Variants in LIN28B observed in about 807,000 individuals in gnomAD.
The protein encoded by LIN28B is lin-28 RNA binding posttranscriptional regulator B.
In LIN28B, 5 loss-of-function variants were observed where a neutral mutation model predicts 21.9. The observed-to-expected ratio is 0.23, with a 90% CI of 0.12 to 0.48. The LOEUF (loss-of-function observed/expected upper bound fraction) is 0.48. LIN28B is among the 20% of genes least tolerant of loss of function. LIN28B has a pLI of 0.98. For synonymous variants in LIN28B, 109 were observed against 111.3 expected, an observed-to-expected ratio of 0.98 and a Z score of 0.13; for missense variants, 245 against 310.5, an observed-to-expected ratio of 0.79 and a Z score of 1.58.
At chr6:104,948,812 C>T (rs190136247) in intron 2 of LIN28B, among the ~76,000 whole-genome samples, 37 of 152,078 alleles carry the variant, frequency 2.4e-4, no homozygotes, top group Admixed American at 1.1e-3. Flanking sequence ...TCCTTTGAAG[C>T]GGACATTACT....
At chr6:105,037,455 C>T (rs904841436) in intron 3 of LIN28B, among the ~76,000 whole-genome samples, 22 of 151,124 alleles carry the variant, frequency 1.5e-4, no homozygotes, top group African/African-American at 4.9e-4. Context: ...ACTTTTCTCT[C>T]CTCCCCTCAC....
intron 2 of LIN28B, among the ~76,000 whole-genome samples, chr6:104,999,921 A>G (rs945952680): frequency 3.9e-5 from 6 of 152,126 alleles, no homozygotes; most frequent in African/African-American, 9.7e-5. Flanking sequence ...CTTAGGTGTG[A>G]TCCGCCTGCC....
chr6:104,955,772 G>A (rs1204896809), upstream of LIN28B, among the ~76,000 whole-genome samples: 1 of 151,622 alleles, frequency 6.6e-6, no homozygotes, highest in African/African-American at 2.4e-5. Flanking sequence ...TAAGAAAATG[G>A]GGGGTGGGGT....
At chr6:105,004,933 C>T (rs1770788693) in intron 2 of LIN28B, among the ~76,000 whole-genome samples, 1 of 152,092 alleles carries the variant, frequency 6.6e-6, no homozygotes, top group Non-Finnish European at 1.5e-5. Flanking sequence ...CCTTTAGTTT[C>T]ATCTTGGAGA....
intron 2 of LIN28B, among the ~76,000 whole-genome samples, chr6:104,991,071 T>C (rs935781957): frequency 2.6e-5 from 4 of 152,228 alleles, no homozygotes; most frequent in Non-Finnish European, 5.9e-5. Context: ...CAATGAGCTG[T>C]TGGGTACACC....
chr6:105,037,595 C>G (rs1771547230), intron 3 of LIN28B, among the ~76,000 whole-genome samples: 1 of 151,318 alleles, frequency 6.6e-6, no homozygotes, highest in Non-Finnish European at 1.5e-5. Context: ...TTACTGCAAC[C>G]TCCACCTCTC....
chr6:105,049,964 G>A (rs1443575909), intron 3 of LIN28B, among the ~76,000 whole-genome samples: 1 of 152,132 alleles, frequency 6.6e-6, no homozygotes, highest in East Asian at 1.9e-4. Context: ...CAATTTGCCA[G>A]TCTGTGTCTT....
chr6:104,997,804 G>T (rs1338267523), intron 2 of LIN28B, among the ~76,000 whole-genome samples: 1 of 152,112 alleles, frequency 6.6e-6, no homozygotes, highest in African/African-American at 2.4e-5. Flanking sequence ...ACACTTCCGG[G>T]TTTATATGCC....
chr6:105,026,495 A>G lies in LIN28B; in HGVS notation c.383+13A>G. 1 of 1,500,482 alleles carries G rather than the reference A, an allele frequency of 6.7e-7. No individual in the cohort carries two copies. Among genetic ancestry groups the G allele is most frequent in the Non-Finnish European group, 9.0e-7 (1 of 1,112,058 alleles). The allele number at this position is 1,500,482 out of a possible 1,614,324, so 92.9% of individuals were successfully genotyped here. On this transcript the variant is annotated intron_variant, in intron 3 of 3. Transcript: ENST00000345080. ...CAAAGGGAGATAGGTAATCATTTTT[A>G]CTTTGTTAATTTATCAGTTTATTGT...
chr6:105,082,841 G>A lies in LIN28B; in HGVS notation c.*4058G>A, dbSNP rs558135926. ...TTAATGCATCTGTGGCTTAACACTT[G>A]TGAGAGTTACCAGCTTGAAAATGAT... On this transcript the variant is annotated 3_prime_UTR_variant, in exon 4 of 4. Transcript: ENST00000345080. The A allele has an allele frequency of 1.3e-5, 2 of 152,760 alleles. No homozygotes were observed. The highest frequency in any genetic ancestry group is 1.3e-4 in the Admixed American group (2 of 15,304). The allele number at this position is 152,760 out of a possible 1,614,324, so 9.5% of individuals were successfully genotyped here.
At chr6:105,050,272 G>T (rs1771870758) in intron 3 of LIN28B, among the ~76,000 whole-genome samples, 1 of 152,066 alleles carries the variant, frequency 6.6e-6, no homozygotes, top group African/African-American at 2.4e-5. Flanking sequence ...GCTTAGTTTG[G>T]CTGGATATGA....
chr6:104,942,610 C>T (rs1402680963), intron 2 of LIN28B, among the ~76,000 whole-genome samples: 5 of 151,872 alleles, frequency 3.3e-5, no homozygotes, highest in African/African-American at 1.2e-4. Context: ...AATCAGTATT[C>T]CATTTTCAAT....
intron 2 of LIN28B, among the ~76,000 whole-genome samples, chr6:104,972,031 C>T (rs914668344): frequency 6.6e-6 from 1 of 152,078 alleles, no homozygotes; most frequent in Admixed American, 6.5e-5. Flanking sequence ...AGTGCAGTGG[C>T]GCAGTCTCGG....
intron 2 of LIN28B, among the ~76,000 whole-genome samples, chr6:104,984,004 C>T (rs977006437): frequency 6.6e-6 from 1 of 152,174 alleles, no homozygotes; most frequent in African/African-American, 2.4e-5. Context: ...CTTGCCGGCA[C>T]CAATCCTCAT....
intron 2 of LIN28B, among the ~76,000 whole-genome samples, chr6:104,965,790 G>A (rs565627501): frequency 9.9e-5 from 15 of 152,228 alleles, no homozygotes; most frequent in South Asian, 6.2e-4. Context: ...GATTTTACCT[G>A]TGTAAGATTT....
chr6:104,973,284 T>G (rs1770016695), intron 2 of LIN28B, among the ~76,000 whole-genome samples: 1 of 152,178 alleles, frequency 6.6e-6, no homozygotes, highest in Non-Finnish European at 1.5e-5. Flanking sequence ...GAATATATAT[T>G]CCAAAATCTC....
chr6:105,038,467 A>G (rs1771568511), intron 3 of LIN28B, among the ~76,000 whole-genome samples: 1 of 152,176 alleles, frequency 6.6e-6, no homozygotes, highest in Admixed American at 6.5e-5. Context: ...CTGAGCACAG[A>G]GCACCAGAGA....
chr6:104,958,056 G>T (rs1255611676), intron 1 of LIN28B, 43 bp from the exon 2 acceptor site: 6 of 1,288,426 alleles, frequency 4.7e-6, no homozygotes, highest in South Asian at 2.2e-5. Flanking sequence ...AATGCACATT[G>T]AATGGGAATA....
In LIN28B at chr6:104,957,241, G is replaced by C. The variant is rs779315434; in HGVS notation, c.-10G>C. ...CTCACGAGTTTGGAGCTGAGGGCCC[G>C]TGGGGCAACATGGCCGAAGGTTAAT... On this transcript the variant is annotated 5_prime_UTR_variant, in exon 1 of 4. Coordinates refer to ENST00000345080, the MANE Select transcript of LIN28B (RefSeq NM_001004317.4). 1.9e-6 allele frequency: 3 copies of C among 1,612,838 alleles called. No individual in the cohort carries two copies.
Sources: gnomAD v4.1 joint callset for allele counts (sites outside exome capture counted in the v4.1 genomes callset) on GRCh38, gnomAD v4.1.1 for gene constraint, MANE v1.5 for transcripts, NCBI Gene and HGNC (gene_info 2026-07-23, HGNC 2026-07-21) for gene names.